The following PTK2 variants were observed in gnomAD, a reference collection of about 807,000 sequenced individuals.
PTK2 encodes protein tyrosine kinase 2, also known as focal adhesion kinase 1.
Under a neutral mutation model 150.1 loss-of-function variants are expected in PTK2, and 45 were observed. The ratio of observed to expected loss-of-function variants is 0.30; its 90% confidence interval spans 0.24 to 0.38. The LOEUF (loss-of-function observed/expected upper bound fraction) is 0.38, where lower values mean the gene tolerates loss of function less well. Among genes scored for constraint, PTK2 ranks in the 10% least tolerant of loss-of-function variants. PTK2 has a pLI of 1.00. For missense variants in PTK2, 919 were observed against 1,307.3 expected (o/e 0.70, Z 4.58); for synonymous variants, 432 against 449.2 (o/e 0.96, Z 0.48).
At chr8:140,702,877 T>C (rs1285287346) in intron 24 of PTK2, among the ~76,000 whole-genome samples, 170 bp from the exon 28 acceptor site, 2 of 152,228 alleles carry the variant, frequency 1.3e-5, no homozygotes, top group African/African-American at 2.4e-5. Flanking sequence ...TTTCCTTACG[T>C]GGCAAAAGAG....
chr8:140,697,455 T>TGTGTGTGTGTGTGTGTGTGTG, intron 26 of PTK2, among the ~76,000 whole-genome samples: 3 of 149,812 alleles, frequency 2.0e-5, no homozygotes, highest in African/African-American at 7.4e-5. Flanking sequence ...TGTGTGTGTG[T>TGTGTGTGTGTGTGTGTGTGTG]TTTTAAACGG....
intron 10 of PTK2, among the ~76,000 whole-genome samples, chr8:140,817,511 C>G (rs1443357384): frequency 6.6e-6 from 1 of 152,170 alleles, no homozygotes; most frequent in African/African-American, 2.4e-5. Context: ...ATCATGTTCC[C>G]TGAACACTCA....
intron 27 of PTK2, among the ~76,000 whole-genome samples, chr8:140,676,078 C>G (rs1312352510): frequency 6.6e-6 from 1 of 152,022 alleles, no homozygotes; most frequent in Admixed American, 6.6e-5. Flanking sequence ...TATTTAACCA[C>G]AAAAAAGAAT....
rs1564365091 is a variant in PTK2, at chr8:140,686,621, C to T, written c.2562+11G>A. The T allele has an allele frequency of 6.2e-7, 1 of 1,610,006 alleles. No homozygotes were observed. Among genetic ancestry groups the T allele is most frequent in the Non-Finnish European group, 8.5e-7 (1 of 1,176,298 alleles). On this transcript the variant is annotated intron_variant, in intron 27 of 31. Transcript: ENST00000522684. ...ACTGGAAATCAAATCCTGCTGAAAA[C>T]TCAGGCTTACCGGACCCTGAAGACT...
chr8:140,869,912 T>C (rs1490434994), intron 4 of PTK2, among the ~76,000 whole-genome samples: 1 of 143,482 alleles, frequency 7.0e-6, no homozygotes, highest in Non-Finnish European at 1.5e-5. Context: ...AGTTGAATAC[T>C]TTCTTTGAGA....
chr8:140,868,826 T>C (rs2100140880), intron 4 of PTK2, among the ~76,000 whole-genome samples: 1 of 152,136 alleles, frequency 6.6e-6, no homozygotes, highest in African/African-American at 2.4e-5. Context: ...TAAGGAGACA[T>C]GACCGTAATG....
chr8:140,727,116 G>A (rs554982960), intron 22 of PTK2, among the ~76,000 whole-genome samples: 12 of 152,184 alleles, frequency 7.9e-5, no homozygotes, highest in Non-Finnish European at 1.8e-4. Context: ...TGAGAAAAAG[G>A]TTAAGGCAGA....
intron 27 of PTK2, 180 bp from the exon 31 acceptor site, chr8:140,675,679 A>T: frequency 1.8e-6 from 1 of 566,258 alleles, no homozygotes; most frequent in South Asian, 2.2e-5. Context: ...CAAATAAGCA[A>T]ATGATGCCAA....
At chr8:140,752,052 A>G in intron 17 of PTK2, 180 bp downstream of exon 20, 1 of 701,180 alleles carries the variant, frequency 1.4e-6, no homozygotes, top group Non-Finnish European at 2.6e-6. Context: ...ATGATGGTTT[A>G]CCTGGAAAAA....
At chr8:140,743,922 C>G (rs545840292) in intron 19 of PTK2, among the ~76,000 whole-genome samples, 6 of 151,650 alleles carry the variant, frequency 4.0e-5, no homozygotes, top group African/African-American at 1.5e-4. Flanking sequence ...GGACTACAGG[C>G]GCCCGCCACC....
At chr8:140,967,419 C>G (rs562229742) in intron 1 of PTK2, among the ~76,000 whole-genome samples, 1 of 151,316 alleles carries the variant, frequency 6.6e-6, no homozygotes, top group Admixed American at 6.6e-5. Context: ...ATGCTAAGTG[C>G]TAAATAAGGC....
intron 14 of PTK2, among the ~76,000 whole-genome samples, chr8:140,778,236 G>C (rs1166972311): frequency 6.6e-6 from 1 of 152,228 alleles, no homozygotes; most frequent in African/African-American, 2.4e-5. Flanking sequence ...GGGAGGCTGA[G>C]GCACATGGAC....
intron 1 of PTK2, among the ~76,000 whole-genome samples, chr8:140,926,347 C>T (rs1041045261): frequency 3.9e-5 from 6 of 152,168 alleles, no homozygotes; most frequent in African/African-American, 1.4e-4. Flanking sequence ...TGGACACCAG[C>T]CAGATGACAC....
At chr8:140,899,297 T>G (rs963933564) in intron 2 of PTK2, among the ~76,000 whole-genome samples, 1 of 151,694 alleles carries the variant, frequency 6.6e-6, no homozygotes, top group African/African-American at 2.4e-5. Flanking sequence ...CCAAAAAGAG[T>G]TGACCAAGAT....
At chr8:140,970,870 AACAG>A (rs1437073597) in intron 1 of PTK2, among the ~76,000 whole-genome samples, 1 of 147,120 alleles carries the variant, frequency 6.8e-6, no homozygotes, top group East Asian at 2.0e-4. Context: ...GTCTGACTAC[AACAG>A]ACAAAGAAAT....
At chr8:140,710,613 G>A (rs184420685) in intron 23 of PTK2, among the ~76,000 whole-genome samples, 1 of 152,240 alleles carries the variant, frequency 6.6e-6, no homozygotes, top group Non-Finnish European at 1.5e-5. Flanking sequence ...AGAGGTTGCG[G>A]TGAGCCGAGA....
At chr8:140,827,532 G>C (rs968755859) in intron 8 of PTK2, among the ~76,000 whole-genome samples, 1 of 152,120 alleles carries the variant, frequency 6.6e-6, no homozygotes, top group African/African-American at 2.4e-5. Flanking sequence ...CTGCAGAGGA[G>C]GGTTTTTTTT....
In PTK2 at chr8:140,934,461, A is replaced by T. The variant is rs1258083422; in HGVS notation, c.-121-8712T>A. On this transcript the variant is annotated intron_variant, in intron 1 of 31. Coordinates refer to ENST00000522684, the Ensembl canonical transcript of PTK2. ...AATAAATTTTTTTTTTGAAATTAGC[A>T]ACTCCATTCTCCTAGCTGCTAATGA... The T allele has an allele frequency of 2.6e-5, 4 of 152,150 alleles. No homozygotes were observed. The East Asian group carries it at 7.7e-4, about 29-fold the overall frequency. 9.4% of individuals were successfully genotyped at this position (152,150 alleles called of 1,614,324 possible). A position where few individuals can be genotyped will look rare whatever the true frequency, so the allele number is the denominator to read the frequency against.
At chr8:140,941,624 TA>T (rs2100175802) in intron 1 of PTK2, among the ~76,000 whole-genome samples, 1 of 152,172 alleles carries the variant, frequency 6.6e-6, no homozygotes, top group Non-Finnish European at 1.5e-5. Flanking sequence ...TGTGGCTTTT[TA>T]ACCAAGAGTT....
Sources: gnomAD v4.1 joint callset for allele counts (sites outside exome capture counted in the v4.1 genomes callset) on GRCh38, gnomAD v4.1.1 for gene constraint, MANE v1.5 for transcripts, NCBI Gene and HGNC (gene_info 2026-07-23, HGNC 2026-07-21) for gene names.